Variants in PDE9A observed in about 807,000 individuals in gnomAD.
PDE9A encodes phosphodiesterase 9A.
A neutral mutation model predicts 87.4 loss-of-function variants in PDE9A; 60 were observed. The ratio of observed to expected loss-of-function variants is 0.69; its 90% CI spans 0.56 to 0.85. The LOEUF is 0.85. Ranked by LOEUF, PDE9A falls within the 40% of genes least tolerant of loss-of-function variation. The pLI, the probability that PDE9A is intolerant of heterozygous loss-of-function variation, is 0.00. For synonymous variants in PDE9A, 272 were observed against 279.4 expected (o/e 0.97, Z 0.27); for missense variants, 665 against 779.0 (o/e 0.85, Z 1.74).
chr21:42,760,481 C>A lies in PDE9A; in HGVS notation c.1002+49C>A. ...CAGACCTCTACTCTCGGGGGTCAGA[C>A]GGAGGCCCCCTTCCAGGGAGCGGCA... On this transcript the variant is annotated intron_variant, in intron 12 of 19. Transcript: ENST00000291539. The surrounding 1 kb of genome is among the most constrained non-coding windows in gnomAD (Gnocchi z 5.2). 8.7e-7 allele frequency: 1 copy of A among 1,154,470 alleles called. No individual in the cohort carries two copies. 71.5% of individuals were successfully genotyped at this position (1,154,470 alleles called of 1,614,324 possible).
chr21:42,732,908 T>C (rs576983403), intron 6 of PDE9A, among the ~76,000 whole-genome samples: 1 of 152,310 alleles, frequency 6.6e-6, no homozygotes, highest in South Asian at 2.1e-4. Flanking sequence ...TGACACTCTG[T>C]CTCAAAAAAC....
chr21:42,765,693 A>C, intron 15 of PDE9A, 199 bp downstream of exon 15: 3 of 571,408 alleles, frequency 5.3e-6, no homozygotes, highest in Non-Finnish European at 9.5e-6. Context: ...GTCCTCCTTC[A>C]TGGTCAGAGG....
intron 7 of PDE9A, among the ~76,000 whole-genome samples, chr21:42,735,005 G>A (rs2052244624): frequency 6.6e-6 from 1 of 152,194 alleles, no homozygotes; most frequent in East Asian, 1.9e-4. Context: ...GAAAGCTAAA[G>A]CTGCAAGCAA....
chr21:42,697,417 A>G, intron 3 of PDE9A: 1 of 1,590,670 alleles, frequency 6.3e-7, no homozygotes, highest in Non-Finnish European at 8.6e-7. Flanking sequence ...TCTTCCAGGA[A>G]TGAGCTCATT....
intron 19 of PDE9A, among the ~76,000 whole-genome samples, chr21:42,773,004 C>T (rs1392467070): frequency 1.3e-5 from 2 of 151,024 alleles, no homozygotes; most frequent in African/African-American, 2.4e-5. Flanking sequence ...CTCATGCCTG[C>T]AATCCCAGCA....
At chr21:42,689,681 G>A (rs937895448) in intron 3 of PDE9A, 1 of 985,282 alleles carries the variant, frequency 1.0e-6, no homozygotes, top group African/African-American at 1.7e-5. Context: ...TCTGGCCCCA[G>A]GTGCCTTATT....
intron 3 of PDE9A, among the ~76,000 whole-genome samples, chr21:42,691,337 C>G (rs559685326): frequency 6.6e-6 from 1 of 150,742 alleles, no homozygotes; most frequent in Non-Finnish European, 1.5e-5. Flanking sequence ...CCAAAGTCAC[C>G]AAGCCCCTTC....
chr21:42,693,460 A>G (rs956931528), intron 3 of PDE9A, among the ~76,000 whole-genome samples: 41 of 150,576 alleles, frequency 2.7e-4, no homozygotes, highest in Non-Finnish European at 2.1e-4. Context: ...CACCACGCCC[A>G]GCTAATTTTT....
chr21:42,666,300 G>A (rs183200026), intron 1 of PDE9A, among the ~76,000 whole-genome samples: 2 of 152,234 alleles, frequency 1.3e-5, no homozygotes, highest in African/African-American at 4.8e-5. Flanking sequence ...GCTGCCAGGG[G>A]CAGGGCTGGC....
intron 7 of PDE9A, chr21:42,741,229 A>G (rs1431707767): frequency 6.6e-6 from 1 of 152,274 alleles, no homozygotes; most frequent in Non-Finnish European, 1.5e-5. Context: ...CAGTCTAGAC[A>G]AAGCCAAGGA....
At position 42,772,468 on chromosome 21, in the gene PDE9A, TG is replaced by T; in HGVS notation, c.1720del (p.Ala574ProfsTer12). 2 of 1,590,964 alleles carry T rather than the reference TG, an allele frequency of 1.3e-6. No individual in the cohort carries two copies. Among genetic ancestry groups the T allele is most frequent in the Non-Finnish European group, 8.5e-7 (1 of 1,169,832 alleles). ...LQKKTDSLTS[G>X]ATEKSRERSR... ...AGAAGAAGACTGACAGCTTGACGTC[TG>T]GGGCCACCGAGAAGTCCAGAGAGAG... On this transcript the variant is annotated frameshift_variant, in exon 19 of 20. Transcript: ENST00000291539. LOFTEE classifies it high-confidence loss of function.
intron 4 of PDE9A, among the ~76,000 whole-genome samples, chr21:42,717,900 G>GGTTTGTTTGTTT (rs113315019): frequency 2.3e-4 from 34 of 150,906 alleles, no homozygotes; most frequent in African/African-American, 8.0e-4. Flanking sequence ...CTTTCTTTGG[G>GGTTTGTTTGTTT]GTTTGTTTGT....
intron 6 of PDE9A, among the ~76,000 whole-genome samples, chr21:42,732,639 G>T (rs2051926868): frequency 6.6e-6 from 1 of 152,240 alleles, no homozygotes; most frequent in Non-Finnish European, 1.5e-5. Context: ...AATTGGCCGG[G>T]TGCGGTGGCT....
rs56998221 is a variant in PDE9A, at chr21:42,769,558, G to GCA, written c.1590+420_1590+421dup. 2.9e-3 allele frequency among the ~76,000 whole-genome samples: 384 copies of GCA among 130,222 alleles called. 2 individuals are homozygous for GCA. The highest frequency in any genetic ancestry group is 0.019 in the Middle Eastern group (4 of 206). 85.4% of individuals were successfully genotyped at this position (130,222 alleles called of 152,430 possible). A position where few individuals can be genotyped will look rare whatever the true frequency, so the allele number is the denominator to read the frequency against. On this transcript the variant is annotated intron_variant, in intron 17 of 19. Transcript: ENST00000291539. ...CACAGGCACACAAATGCACACACAG[G>GCA]CACACACACACACACACATGCACAC...
chr21:42,689,495 AC>A, intron 3 of PDE9A: 1 of 978,160 alleles, frequency 1.0e-6, no homozygotes, highest in South Asian at 4.7e-5. Flanking sequence ...TCCTCCTGAC[AC>A]CCACAAGACT....
Position 42,772,162 on chromosome 21 carries a change from C to G in PDE9A, c.1687-277C>G, listed in dbSNP as rs112487073. On this transcript the variant is annotated intron_variant, in intron 18 of 19. Transcript: ENST00000291539. ...AGGTGAAAAGGCCAAGCCCAAGCCG[C>G]AGGCTCTGCACACACCACCAGTCCC... 4.4e-3 allele frequency among the ~76,000 whole-genome samples: 677 copies of G among 152,350 alleles called. 4 individuals carry two copies. Among genetic ancestry groups the G allele is most frequent in the African/African-American group, 0.016 (651 of 41,578 alleles).
At chr21:42,726,492 A>G (rs1298883040) in intron 4 of PDE9A, among the ~76,000 whole-genome samples, 1 of 149,826 alleles carries the variant, frequency 6.7e-6, no homozygotes, top group East Asian at 1.9e-4. Flanking sequence ...ACTGAATTCT[A>G]GGTCAAGGCT....
chr21:42,653,995 G>T (rs1000679995), intron 1 of PDE9A, 112 bp downstream of exon 1: 75 of 540,318 alleles, frequency 1.4e-4, no homozygotes, highest in Non-Finnish European at 1.8e-4. Flanking sequence ...TGCGGCCTCC[G>T]TGCGCTCCGC....
At chr21:42,741,990 T>G (rs2053321437) in intron 7 of PDE9A, among the ~76,000 whole-genome samples, 1 of 152,226 alleles carries the variant, frequency 6.6e-6, no homozygotes, top group South Asian at 2.1e-4. Context: ...CTAATCTTTT[T>G]TATTTCAATT....
Sources: allele counts gnomAD v4.1 joint callset (sites outside exome capture counted in the v4.1 genomes callset), GRCh38; gene constraint gnomAD v4.1.1; non-coding constraint Gnocchi (gnomAD v3.1); transcripts MANE v1.5; gene names NCBI Gene and HGNC (gene_info 2026-07-23, HGNC 2026-07-21).